Variants in LMX1A observed in about 807,000 individuals in gnomAD.
The protein encoded by LMX1A is LIM homeobox transcription factor 1 alpha.
Under a neutral mutation model 49.1 loss-of-function variants are expected in LMX1A, and 15 were observed. The ratio of observed to expected loss-of-function variants is 0.31; its 90% CI spans 0.20 to 0.47. LMX1A has a LOEUF of 0.47. Ranked by LOEUF, LMX1A falls within the 20% of genes least tolerant of loss-of-function variation. The pLI is 1.00. For synonymous variants in LMX1A, 167 were observed against 185.7 expected, an observed-to-expected ratio of 0.90 and a Z score of 0.82; for missense variants, 372 against 475.8, an observed-to-expected ratio of 0.78 and a Z score of 2.03.
At chr1:165,309,219 C>T (rs1309380789) in intron 3 of LMX1A, among the ~76,000 whole-genome samples, 1 of 152,068 alleles carries the variant, frequency 6.6e-6, no homozygotes, top group Admixed American at 6.5e-5. Flanking sequence ...CGCTCCCCAC[C>T]CCCAGCCCTT....
chr1:165,303,656 C>T lies in LMX1A; in HGVS notation c.263+49420G>A, dbSNP rs185251952. On this transcript the variant is annotated intron_variant, in intron 3 of 8. Coordinates refer to ENST00000342310, the MANE Select transcript of LMX1A (RefSeq NM_177398.4). ...TTATCCTTCACTCAGACCACCAGCCCTCTGGGTCCCAGGGACGCAAAGCAT... is the reference window on the plus strand; with the variant it reads ...TTATCCTTCACTCAGACCACCAGCCTTCTGGGTCCCAGGGACGCAAAGCAT... 1.1e-3 allele frequency among the ~76,000 whole-genome samples: 163 copies of T among 152,274 alleles called. 2 individuals carry two copies. Among genetic ancestry groups the T allele is most frequent in the Non-Finnish European group, 1.8e-3 (121 of 68,024 alleles).
intron 3 of LMX1A, among the ~76,000 whole-genome samples, chr1:165,269,790 G>A (rs1653740813): frequency 6.6e-6 from 1 of 152,138 alleles, no homozygotes; most frequent in South Asian, 2.1e-4. Flanking sequence ...AACTGTTGCA[G>A]GAACAGAAAA....
At chr1:165,257,200 G>T (rs1477011157) in intron 3 of LMX1A, among the ~76,000 whole-genome samples, 3 of 152,034 alleles carry the variant, frequency 2.0e-5, no homozygotes, top group Non-Finnish European at 4.4e-5. Context: ...AAGAGAATCT[G>T]ACCATATTTC....
intron 3 of LMX1A, among the ~76,000 whole-genome samples, chr1:165,270,648 T>G (rs1653765940): frequency 6.6e-6 from 1 of 152,194 alleles, no homozygotes; most frequent in Non-Finnish European, 1.5e-5. Flanking sequence ...CTGCCAGATC[T>G]GAGGTTGGTT....
At chr1:165,329,171 G>A (rs1026973131) in intron 3 of LMX1A, among the ~76,000 whole-genome samples, 6 of 152,146 alleles carry the variant, frequency 3.9e-5, no homozygotes, top group African/African-American at 7.2e-5. Flanking sequence ...GAAAGAGAGC[G>A]TATGTAACAG....
At position 165,293,825 on chromosome 1, in the gene LMX1A, G is replaced by GCT. The variant is rs150296318; in HGVS notation, c.264-44187_264-44186dup. On this transcript the variant is annotated intron_variant, in intron 3 of 8. Coordinates refer to ENST00000342310, the MANE Select transcript of LMX1A (RefSeq NM_177398.4). ...AAGGGCTCTAATCCCATTCAAGAGG[G>GCT]CTCAGGCCTCCTGATCTAATCGCCT... Among the ~76,000 whole-genome samples, 1,421 of 152,238 alleles carry GCT rather than the reference G, an allele frequency of 9.3e-3. 18 individuals carry two copies. The highest frequency in any genetic ancestry group is 0.027 in the African/African-American group (1,112 of 41,506).
chr1:165,302,532 G>T (rs1654812440), intron 3 of LMX1A, among the ~76,000 whole-genome samples: 1 of 152,144 alleles, frequency 6.6e-6, no homozygotes, highest in Non-Finnish European at 1.5e-5. Context: ...TGCTGACATT[G>T]CTTCTGTTCA....
chr1:165,223,161 CT>C (rs1238963056), intron 4 of LMX1A, among the ~76,000 whole-genome samples: 3 of 152,144 alleles, frequency 2.0e-5, no homozygotes, highest in African/African-American at 7.2e-5. Context: ...CTACTTTTCT[CT>C]TTGTAAAATC....
In LMX1A at chr1:165,203,307, T is replaced by C. The variant is rs1210022760; in HGVS notation, c.*573A>G. The C allele has an allele frequency of 6.5e-6, 1 of 152,678 alleles. No homozygotes were observed. Among genetic ancestry groups the C allele is most frequent in the Admixed American group, 6.5e-5 (1 of 15,286 alleles). The allele number at this position is 152,678 out of a possible 1,614,324, so 9.5% of individuals were successfully genotyped here. A position where few individuals can be genotyped will look rare whatever the true frequency, so the allele number is the denominator to read the frequency against. ...GCCCTGCTGACAAGTCTTGTCAAGC[T>C]AAAAATAAAGTTTATAAAAGTAAAT... On this transcript the variant is annotated 3_prime_UTR_variant, in exon 9 of 9. Transcript: ENST00000342310.
intron 3 of LMX1A, among the ~76,000 whole-genome samples, chr1:165,295,725 A>C (rs1174674132): frequency 6.6e-6 from 1 of 152,142 alleles, no homozygotes; most frequent in Non-Finnish European, 1.5e-5. Flanking sequence ...CCATAAGCAG[A>C]AAGGTGAGAT....
rs547886662 is a variant in LMX1A at position 165,310,739 on chromosome 1, G to C, written c.263+42337C>G. On this transcript the variant is annotated intron_variant, in intron 3 of 8. Coordinates refer to ENST00000342310, the MANE Select transcript of LMX1A (RefSeq NM_177398.4). ...ATTTGAGGTGTGGGTACTGAGGGCT[G>C]CTGGAAAGTAATTACCACTGAAAGT... 5.3e-5 allele frequency among the ~76,000 whole-genome samples: 8 copies of C among 152,334 alleles called. No homozygotes were observed. The South Asian group carries it at 1.7e-3, about 32-fold the overall frequency.
At chr1:165,228,388 T>G (rs61800532) in intron 4 of LMX1A, among the ~76,000 whole-genome samples, 9,440 of 152,244 alleles carry the variant, frequency 0.062, 380 homozygotes, top group East Asian at 0.16. Context: ...TTGTAGATTT[T>G]CTCACCTGGT....
intron 4 of LMX1A, chr1:165,218,973 T>A (rs2102609615): frequency 6.6e-6 from 1 of 152,326 alleles, no homozygotes; most frequent in South Asian, 2.1e-4. Flanking sequence ...TGACTCCTAG[T>A]GGGGAAGTCC....
intron 3 of LMX1A, among the ~76,000 whole-genome samples, chr1:165,329,618 C>T (rs192399158): frequency 4.1e-4 from 62 of 150,868 alleles, no homozygotes; most frequent in African/African-American, 1.4e-3. Context: ...GCAACCCCCC[C>T]ACCCCCGCCA....
At chr1:165,278,233 A>G (rs1231016436) in intron 3 of LMX1A, among the ~76,000 whole-genome samples, 2 of 152,214 alleles carry the variant, frequency 1.3e-5, no homozygotes, top group Non-Finnish European at 2.9e-5. Flanking sequence ...ATATTCTCAC[A>G]GAGGTCCATG....
At chr1:165,291,307 A>G (rs928382089) in intron 3 of LMX1A, among the ~76,000 whole-genome samples, 1 of 152,200 alleles carries the variant, frequency 6.6e-6, no homozygotes, top group Admixed American at 6.5e-5. Context: ...AAATGGAGAA[A>G]CCCACCAAAG....
intron 4 of LMX1A, among the ~76,000 whole-genome samples, chr1:165,249,142 G>A (rs556457175): frequency 4.6e-5 from 7 of 152,146 alleles, no homozygotes; most frequent in South Asian, 4.1e-4. Context: ...CAGTTAACCC[G>A]GACATTTCTG....
intron 3 of LMX1A, among the ~76,000 whole-genome samples, chr1:165,269,776 A>T (rs1160856847): frequency 4.6e-5 from 7 of 152,206 alleles, no homozygotes; most frequent in African/African-American, 1.7e-4. Context: ...CATTATTCTC[A>T]GCAAACTGTT....
chr1:165,293,115 C>CAAAAA (rs532576590), intron 3 of LMX1A, among the ~76,000 whole-genome samples: 4 of 118,826 alleles, frequency 3.4e-5, no homozygotes, highest in Non-Finnish European at 7.1e-5. Context: ...GACTCCATCT[C>CAAAAA]AAAAAAAAAA....
Sources: allele counts gnomAD v4.1 joint callset (sites outside exome capture counted in the v4.1 genomes callset), GRCh38; gene constraint gnomAD v4.1.1; transcripts MANE v1.5; gene names NCBI Gene and HGNC (gene_info 2026-07-23, HGNC 2026-07-21).